GRIA3: variants seen among roughly 807,000 people sequenced by gnomAD.
The protein encoded by GRIA3 is glutamate ionotropic receptor AMPA type subunit 3, also known as glutamate receptor 3.
Under a neutral mutation model 63.0 loss-of-function variants are expected in GRIA3, and 3 were observed. The ratio of observed to expected loss-of-function variants is 0.05; its 90% confidence interval spans 0.02 to 0.12. GRIA3 has a LOEUF of 0.12. Ranked by LOEUF, GRIA3 falls within the 10% of genes least tolerant of loss-of-function variation. The probability of loss-of-function intolerance (pLI) is 1.00; values close to 1 mark genes in which losing one functional copy is unlikely to be tolerated. For missense variants in GRIA3, 347 were observed against 700.9 expected (o/e 0.50, Z 5.70); for synonymous variants, 274 against 257.9 (o/e 1.06, Z -0.60).
At position 123,211,843 on chromosome X, in the gene GRIA3, ATT is replaced by A. The variant is rs768726991; in HGVS notation, c.268+25855_268+25856del. Among the ~76,000 whole-genome samples, 324 of 111,308 alleles carry A rather than the reference ATT, an allele frequency of 2.9e-3. 3 individuals are homozygous for A. The highest frequency in any genetic ancestry group is 0.01 in the African/African-American group (314 of 30,641). On this transcript the variant is annotated intron_variant, in intron 2 of 15. Transcript: ENST00000620443. ...CGTCTCCTTCTCCCTCTTCCTCTGC[ATT>A]TCTCTCTCTCTCATACACACACATA... is the stretch of plus-strand genomic sequence containing the variant.
At chrX:123,353,020 T>TACACACACACACACACACACACAC (rs556926418) in intron 4 of GRIA3, among the ~76,000 whole-genome samples, 2 of 87,762 alleles carry the variant, frequency 2.3e-5, no homozygotes, top group Non-Finnish European at 4.5e-5. Context: ...CTCTCTCTCA[T>TACACACACACACACACACACACAC]ACACACACAC....
chrX:123,348,263 G>C (rs1037640123), intron 4 of GRIA3, among the ~76,000 whole-genome samples: 1 of 111,626 alleles, frequency 9.0e-6, no homozygotes, highest in Non-Finnish European at 1.9e-5. Context: ...TTGTGAATGT[G>C]AATATAGAAA....
At chrX:123,399,807 AT>A (rs1212870880) in intron 7 of GRIA3, among the ~76,000 whole-genome samples, 3 of 111,592 alleles carry the variant, frequency 2.7e-5, no homozygotes, top group African/African-American at 9.8e-5. Context: ...GATGCCTTAA[AT>A]TTGCCAAGTT....
intron 3 of GRIA3, among the ~76,000 whole-genome samples, chrX:123,317,358 T>A (rs2044838862): frequency 9.0e-6 from 1 of 111,030 alleles, no homozygotes; most frequent in African/African-American, 3.3e-5. Flanking sequence ...TCCCCCAAAG[T>A]CTTAACTCAT....
chrX:123,261,466 T>G (rs773463490), intron 3 of GRIA3, among the ~76,000 whole-genome samples: 4 of 112,114 alleles, frequency 3.6e-5, no homozygotes, highest in African/African-American at 9.7e-5. Context: ...TTAATTTTAA[T>G]GTATTTTTAA....
At chrX:123,328,268 C>A (rs1301395845) in intron 4 of GRIA3, among the ~76,000 whole-genome samples, 1 of 111,394 alleles carries the variant, frequency 9.0e-6, no homozygotes, top group Non-Finnish European at 1.9e-5. Context: ...CTTTAAAAAG[C>A]GTAAAATGCT....
chrX:123,325,503 T>C (rs1012799476), intron 3 of GRIA3, among the ~76,000 whole-genome samples: 1 of 112,032 alleles, frequency 8.9e-6, no homozygotes, highest in Admixed American at 9.5e-5. Flanking sequence ...GATATCTTTG[T>C]TATAGATTGT....
intron 3 of GRIA3, among the ~76,000 whole-genome samples, chrX:123,300,622 T>TTTG: frequency 9.4e-6 from 1 of 106,657 alleles, no homozygotes; most frequent in East Asian, 2.9e-4. Flanking sequence ...TTTAATGGTT[T>TTTG]TTTGTTTGTT....
chrX:123,277,689 G>T (rs942649043), intron 3 of GRIA3, among the ~76,000 whole-genome samples: 4 of 111,832 alleles, frequency 3.6e-5, no homozygotes, highest in Non-Finnish European at 7.5e-5. Flanking sequence ...GAATACAAAG[G>T]TCTCACATTC....
intron 5 of GRIA3, among the ~76,000 whole-genome samples, chrX:123,382,426 C>T (rs1260527151): frequency 8.9e-6 from 1 of 112,166 alleles, no homozygotes; most frequent in African/African-American, 3.2e-5. Context: ...TGCCAGAACT[C>T]ATTCCCGGGA....
chrX:123,241,204 A>C (rs187181682), intron 2 of GRIA3, among the ~76,000 whole-genome samples: 58 of 111,868 alleles, frequency 5.2e-4, no homozygotes, highest in Non-Finnish European at 1.0e-3. Flanking sequence ...CAGATGATGC[A>C]TAACTGGGAG....
chrX:123,330,501 G>A (rs955142185), intron 4 of GRIA3, among the ~76,000 whole-genome samples: 17 of 112,057 alleles, frequency 1.5e-4, no homozygotes, highest in Non-Finnish European at 2.8e-4. Flanking sequence ...TCTTAAAACA[G>A]TTGCAAAACA....
At chrX:123,457,745 G>T (rs1468236635) in intron 12 of GRIA3, among the ~76,000 whole-genome samples, 4 of 111,671 alleles carry the variant, frequency 3.6e-5, no homozygotes, top group African/African-American at 1.3e-4. Flanking sequence ...GTCCATTTTG[G>T]TAATTCAGTT....
At chrX:123,200,931 AC>A (rs948138670) in intron 2 of GRIA3, among the ~76,000 whole-genome samples, 3 of 111,009 alleles carry the variant, frequency 2.7e-5, no homozygotes, top group African/African-American at 9.8e-5. Flanking sequence ...CAGAAGCCAG[AC>A]TCTCTGAGTT....
rs1204726525 is a variant in GRIA3, at chrX:123,463,648, GAA to G, written c.2077-1215_2077-1214del. The stretch of plus-strand genomic sequence containing the variant: ...AGAAAGAAAGAAAGAAAGAAAGAAA[GAA>G]AGAAAGAAAGAAAGAAAGAAAGAAA... On this transcript the variant is annotated intron_variant, in intron 12 of 15. Coordinates refer to ENST00000620443, the MANE Select transcript of GRIA3 (RefSeq NM_007325.5). 2.1e-3 allele frequency among the ~76,000 whole-genome samples: 92 copies of G among 43,968 alleles called. 6 individuals carry two copies. Among genetic ancestry groups the G allele is most frequent in the African/African-American group, 0.014 (89 of 6,484 alleles). The allele number at this position is 43,968 out of a possible 115,157, so 38.2% of individuals were successfully genotyped here.
At chrX:123,193,911 T>C (rs1262170183) in intron 2 of GRIA3, among the ~76,000 whole-genome samples, 8 of 111,233 alleles carry the variant, frequency 7.2e-5, no homozygotes, top group Non-Finnish European at 1.5e-4. Context: ...CCCAAGGAAG[T>C]GAGGCACCAA....
intron 4 of GRIA3, among the ~76,000 whole-genome samples, chrX:123,352,025 T>G (rs1603107469): frequency 9.0e-6 from 1 of 111,713 alleles, no homozygotes; most frequent in Non-Finnish European, 1.9e-5. Context: ...AATGTCTCAA[T>G]GAATGACCCC....
chrX:123,239,676 A>G lies in GRIA3; in HGVS notation c.269-13627A>G, dbSNP rs181567205. 2.9e-3 allele frequency among the ~76,000 whole-genome samples: 329 copies of G among 112,386 alleles called. 2 individuals are homozygous for G. Among genetic ancestry groups the G allele is most frequent in the African/African-American group, 0.01 (323 of 30,995 alleles). ...AACTAATAAATACTGGTTGGATTAG[A>G]ATCTAAAACATTTAGGTGGGTAGGC... On this transcript the variant is annotated intron_variant, in intron 2 of 15. Transcript: ENST00000620443.
intron 12 of GRIA3, among the ~76,000 whole-genome samples, chrX:123,455,805 G>C (rs2045758139): frequency 9.4e-6 from 1 of 106,525 alleles, no homozygotes; most frequent in Admixed American, 1.0e-4. Context: ...AGCAAAAGAG[G>C]CTGGGGTTAT....
Sources: allele counts gnomAD v4.1 joint callset (sites outside exome capture counted in the v4.1 genomes callset), GRCh38; gene constraint gnomAD v4.1.1; transcripts MANE v1.5; gene names NCBI Gene and HGNC (gene_info 2026-07-23, HGNC 2026-07-21).